Variants in UGGT1 observed in about 807,000 individuals in gnomAD.
UGGT1 encodes UDP-glucose:glycoprotein glucosyltransferase 1.
UGGT1 carries 107 observed loss-of-function variants against 203.9 expected under a neutral mutation model. That is an observed-to-expected ratio of 0.52 (90% CI 0.45 to 0.62). The LOEUF is 0.62. UGGT1 is among the 20% of genes least tolerant of loss of function. The pLI, the probability that UGGT1 is intolerant of heterozygous loss-of-function variation, is 0.00. For synonymous variants in UGGT1, 628 were observed against 653.5 expected (o/e 0.96, Z 0.59); for missense variants, 1,673 against 1,867.2 (o/e 0.90, Z 1.92).
At chr2:128,164,399 A>G (rs1024818712) in intron 25 of UGGT1, among the ~76,000 whole-genome samples, 17 of 152,304 alleles carry the variant, frequency 1.1e-4, no homozygotes, top group African/African-American at 2.2e-4. Context: ...AATAGTCATA[A>G]AAAGTAATAG....
chr2:128,138,916 G>A (rs1319847269), intron 16 of UGGT1, 64 bp downstream of exon 16: 6 of 1,588,346 alleles, frequency 3.8e-6, no homozygotes, highest in African/African-American at 2.7e-5. Context: ...ATAACAATGT[G>A]TGGTCATTGT....
chr2:128,133,412 C>A, intron 14 of UGGT1, 152 bp downstream of exon 14: 1 of 1,094,320 alleles, frequency 9.1e-7, no homozygotes, highest in Non-Finnish European at 1.3e-6. Context: ...ACTGGAAAGG[C>A]TTTGTAGTGT....
In UGGT1 at chr2:128,107,590, G is replaced by T. The variant is rs564275422; in HGVS notation, c.278-348G>T. ...GACGTGTTCTGGGATTGAGGAAGAG[G>T]TTTAACTGGTCCATTGAAGCATGGG... is the stretch of plus-strand genomic sequence containing the variant. On this transcript the variant is annotated intron_variant, in intron 3 of 40. Coordinates refer to ENST00000259253, the MANE Select transcript of UGGT1 (RefSeq NM_020120.4). Among the ~76,000 whole-genome samples, 28 of 152,352 alleles carry T rather than the reference G, an allele frequency of 1.8e-4. No individual in the cohort carries two copies. The South Asian group carries it at 5.8e-3, about 32-fold the overall frequency.
chr2:128,138,484 C>G (rs1021443270), intron 15 of UGGT1, among the ~76,000 whole-genome samples: 18 of 151,570 alleles, frequency 1.2e-4, no homozygotes, highest in Admixed American at 5.3e-4. Flanking sequence ...CATTGCACTC[C>G]ACCCTGGGCA....
intron 17 of UGGT1, among the ~76,000 whole-genome samples, 155 bp downstream of exon 17, chr2:128,143,380 A>T (rs576303356): frequency 6.6e-6 from 1 of 152,334 alleles, no homozygotes; most frequent in Non-Finnish European, 1.5e-5. Flanking sequence ...TCAGTGTTTG[A>T]AAAAGTTTTT....
At chr2:128,187,411 C>T in intron 39 of UGGT1, 38 bp from the exon 40 acceptor site, 1 of 1,594,108 alleles carries the variant, frequency 6.3e-7, no homozygotes, top group East Asian at 2.3e-5. Context: ...TGTGGCCTTT[C>T]TTCAACTCAG....
At chr2:128,094,400 A>G (rs983582809) in intron 1 of UGGT1, among the ~76,000 whole-genome samples, 2 of 152,184 alleles carry the variant, frequency 1.3e-5, no homozygotes, top group African/African-American at 4.8e-5. Context: ...TCTTACGATA[A>G]AATGTTTTAC....
chr2:128,186,949 T>A (rs1408736419), intron 39 of UGGT1, 150 bp downstream of exon 39: 1 of 591,438 alleles, frequency 1.7e-6, no homozygotes, highest in Non-Finnish European at 2.9e-6. Context: ...GTCGGGGCTA[T>A]TCTTATCTTA....
At position 128,193,162 on chromosome 2, in the gene UGGT1, C is replaced by T. The variant is rs1449305117; in HGVS notation, c.*3420C>T. 2.0e-5 allele frequency: 2 copies of T among 98,688 alleles called. No individual in the cohort carries two copies. The highest frequency in any genetic ancestry group is 3.7e-5 in the Non-Finnish European group (2 of 54,568). 6.1% of individuals were successfully genotyped at this position (98,688 alleles called of 1,614,324 possible). A position where few individuals can be genotyped will look rare whatever the true frequency, so the allele number is the denominator to read the frequency against. On this transcript the variant is annotated 3_prime_UTR_variant, in exon 41 of 41. Coordinates refer to ENST00000259253, the MANE Select transcript of UGGT1 (RefSeq NM_020120.4). ...ACTGCACTCCAGCCTGGCAATAGAGCGAGACTCCGTCTCAAAAAAAAAAAA... is the reference window on the plus strand; with the variant it reads ...ACTGCACTCCAGCCTGGCAATAGAGTGAGACTCCGTCTCAAAAAAAAAAAA...
At chr2:128,130,134 ACCT>A (rs1344572066) in intron 13 of UGGT1, among the ~76,000 whole-genome samples, 2 of 151,912 alleles carry the variant, frequency 1.3e-5, no homozygotes, top group African/African-American at 4.8e-5. Context: ...GGTGGCACAC[ACCT>A]CCTAATCTTA....
intron 23 of UGGT1, 97 bp downstream of exon 23, chr2:128,159,817 C>T (rs1396313507): frequency 2.4e-6 from 3 of 1,259,094 alleles, no homozygotes; most frequent in Non-Finnish European, 3.3e-6. Context: ...CACGATTTGT[C>T]ATTTTAGTCC....
intron 15 of UGGT1, among the ~76,000 whole-genome samples, chr2:128,136,030 T>A (rs1689115531): frequency 6.6e-6 from 1 of 152,152 alleles, no homozygotes; most frequent in East Asian, 1.9e-4. Context: ...AATACAATAT[T>A]TCTTGAATTG....
At chr2:128,155,378 C>G in intron 19 of UGGT1, 111 bp from the exon 20 acceptor site, 1 of 765,084 alleles carries the variant, frequency 1.3e-6, no homozygotes, top group Non-Finnish European at 2.1e-6. Flanking sequence ...TAATATACTT[C>G]ACTCACGCAT....
rs1484759443 is a variant in UGGT1, at chr2:128,191,513, G to A, written c.*1771G>A. The A allele has an allele frequency of 1.9e-4, 29 of 152,144 alleles. No individual in the cohort carries two copies. The highest frequency in any genetic ancestry group is 1.8e-3 in the Admixed American group (27 of 15,264). 9.4% of individuals were successfully genotyped at this position (152,144 alleles called of 1,614,324 possible). A position where few individuals can be genotyped will look rare whatever the true frequency, so the allele number is the denominator to read the frequency against. On this transcript the variant is annotated 3_prime_UTR_variant, in exon 41 of 41. Transcript: ENST00000259253. ...CAGAGTCTGTGACATGACTTTCCCC[G>A]CCCTGCCCCTCTGTTCAGAGCAGCT...
chr2:128,116,260 C>T lies in UGGT1; in HGVS notation c.794-5C>T. The T allele has an allele frequency of 6.3e-7, 1 of 1,578,654 alleles. No homozygotes were observed. Among genetic ancestry groups the T allele is most frequent in the Non-Finnish European group, 8.7e-7 (1 of 1,150,424 alleles). On this transcript the variant is annotated splice_polypyrimidine_tract_variant and splice_region_variant and intron_variant, in intron 7 of 40. Coordinates refer to ENST00000259253, the MANE Select transcript of UGGT1 (RefSeq NM_020120.4). ...TAATAATATGTATTTTCTATTCTTT[C>T]ATAGGAACTGAGGTAAACACCACAG...
At chr2:128,169,069 A>T (rs1475457298) in intron 26 of UGGT1, among the ~76,000 whole-genome samples, 12 of 94,924 alleles carry the variant, frequency 1.3e-4, no homozygotes, top group African/African-American at 3.9e-4. Flanking sequence ...AAAAAAAAAA[A>T]AAAAAAAAAA....
intron 5 of UGGT1, among the ~76,000 whole-genome samples, chr2:128,110,542 G>C (rs1480240225): frequency 1.3e-5 from 2 of 152,178 alleles, no homozygotes; most frequent in African/African-American, 4.8e-5. Flanking sequence ...TGATACAGTA[G>C]TGCTGTCTCT....
At chr2:128,138,116 C>T (rs1689221553) in intron 15 of UGGT1, among the ~76,000 whole-genome samples, 3 of 152,212 alleles carry the variant, frequency 2.0e-5, no homozygotes, top group Admixed American at 2.0e-4. Flanking sequence ...TCTCTTAAAA[C>T]TATAGCAACG....
chr2:128,185,824 C>T lies in UGGT1; in HGVS notation c.4360-859C>T, dbSNP rs73955997. On this transcript the variant is annotated intron_variant, in intron 38 of 40. Coordinates refer to ENST00000259253, the MANE Select transcript of UGGT1 (RefSeq NM_020120.4). ...ATCATGGAACATTCTTTACAAGTAT[C>T]GCAGTCAATCATTTCTGTACATTTC... Among the ~76,000 whole-genome samples, 893 of 152,234 alleles carry T rather than the reference C, an allele frequency of 5.9e-3. 11 individuals are homozygous for T. Among genetic ancestry groups the T allele is most frequent in the African/African-American group, 0.019 (789 of 41,518 alleles).
Sources: gnomAD v4.1 joint callset for allele counts (sites outside exome capture counted in the v4.1 genomes callset) on GRCh38, gnomAD v4.1.1 for gene constraint, MANE v1.5 for transcripts, NCBI Gene and HGNC (gene_info 2026-07-23, HGNC 2026-07-21) for gene names.